The following PACRGL variants were observed in gnomAD, a reference collection of about 807,000 sequenced individuals.
The protein encoded by PACRGL is PACRG-like protein.
A neutral mutation model predicts 34.5 loss-of-function variants in PACRGL; 38 were observed. The observed-to-expected ratio is 1.10, with a 90% CI of 0.85 to 1.44. The LOEUF (loss-of-function observed/expected upper bound fraction) is 1.44, where lower values mean the gene tolerates loss of function less well. Among genes scored for constraint, PACRGL ranks in the 40% most tolerant of loss-of-function variants. The pLI, the probability that PACRGL is intolerant of heterozygous loss-of-function variation, is 0.00. For synonymous variants in PACRGL, 128 were observed against 100.1 expected (o/e 1.28, Z -1.66); for missense variants, 305 against 281.4 (o/e 1.08, Z -0.60).
chr4:20,766,595 G>C, the PACRGL span, among the ~76,000 whole-genome samples: 1 of 151,996 alleles, frequency 6.6e-6, no homozygotes, highest in Admixed American at 6.6e-5. Context: ...CAAACATAAA[G>C]CAACTTTAGA....
chr4:20,706,937 A>G (rs1219831275), intron 3 of PACRGL, among the ~76,000 whole-genome samples: 2 of 152,008 alleles, frequency 1.3e-5, no homozygotes, highest in Non-Finnish European at 2.9e-5. Context: ...TTTACTCAAA[A>G]CTCATGCTTT....
Position 20,730,328 on chromosome 4 carries a change from ATATTTTG to A in PACRGL, c.*2989_*2995del, listed in dbSNP as rs776294499. Among the ~76,000 whole-genome samples the A allele has an allele frequency of 6.7e-4, 102 of 152,288 alleles. No individual in the cohort carries two copies. The highest frequency in any genetic ancestry group is 8.7e-4 in the Non-Finnish European group (59 of 68,014). ...TAGATGACTATGAAGGACCCATTTT[ATATTTTG>A]TGGAGTCTATTGACCAGGCATTAAA... is the stretch of plus-strand genomic sequence containing the variant. On this transcript the variant is annotated 3_prime_UTR_variant, in exon 9 of 9. Transcript: ENST00000503585.
At position 20,725,474 on chromosome 4, in the gene PACRGL, G is replaced by A. The variant is rs144472113; in HGVS notation, c.690+586G>A. On this transcript the variant is annotated intron_variant, in intron 8 of 8. Transcript: ENST00000503585. ...AGGATTTCATAACTGTATGGTGTCA[G>A]ATTACTAGACTAATTGAATTTTTAG... is the stretch of plus-strand genomic sequence containing the variant. 2.4e-3 allele frequency among the ~76,000 whole-genome samples: 367 copies of A among 152,252 alleles called. 8 individuals carry two copies. The South Asian group carries it at 0.046, about 19-fold the overall frequency.
intron 5 of PACRGL, 97 bp downstream of exon 5, chr4:20,709,870 C>T: frequency 1.0e-6 from 1 of 970,420 alleles, no homozygotes; most frequent in Non-Finnish European, 1.6e-6. Context: ...CATTCTATGC[C>T]TTTGAAAAAC....
chr4:20,722,675 C>T, intron 7 of PACRGL, among the ~76,000 whole-genome samples: 1 of 152,134 alleles, frequency 6.6e-6, no homozygotes, highest in East Asian at 1.9e-4. Context: ...AACCAAAGTT[C>T]CCATCATAAA....
intron 8 of PACRGL, among the ~76,000 whole-genome samples, chr4:20,743,183 C>A (rs1327062337): frequency 6.6e-6 from 1 of 152,068 alleles, no homozygotes; most frequent in Non-Finnish European, 1.5e-5. Context: ...GTGAACATGG[C>A]CATACTGCCC....
chr4:20,735,518 G>GTTTTTTT (rs754949562), downstream of PACRGL, among the ~76,000 whole-genome samples: 5 of 130,814 alleles, frequency 3.8e-5, no homozygotes, highest in African/African-American at 1.1e-4. Flanking sequence ...TTCATTTAGT[G>GTTTTTTT]TTTTTTTTTT....
Position 20,732,071 on chromosome 4 carries a change from G to A in PACRGL, c.*4730G>A, listed in dbSNP as rs966552462. On this transcript the variant is annotated 3_prime_UTR_variant, in exon 9 of 9. Transcript: ENST00000503585. ...CCATCTTTATTTTTGTCCATTTTCT[G>A]TTCAGGAAGAAAACAAAAATTGTAT... 2 of 1,581,556 alleles carry A rather than the reference G, an allele frequency of 1.3e-6. No homozygotes were observed. The highest frequency in any genetic ancestry group is 1.7e-5 in the Admixed American group (1 of 57,244).
At chr4:20,716,056 G>C in intron 7 of PACRGL, 2 of 1,483,098 alleles carry the variant, frequency 1.3e-6, no homozygotes, top group South Asian at 1.3e-5. Context: ...TTCAGGAAGA[G>C]ACCTTTTCCT....
downstream of PACRGL, among the ~76,000 whole-genome samples, chr4:20,755,539 G>A (rs376988368): frequency 3.2e-4 from 49 of 152,288 alleles, no homozygotes; most frequent in East Asian, 8.5e-3. Flanking sequence ...AGTAAACAAA[G>A]TGGAGAAATC....
chr4:20,749,827 T>C (rs1292035581), intron 8 of PACRGL: 2 of 721,222 alleles, frequency 2.8e-6, no homozygotes, highest in Non-Finnish European at 4.6e-6. Context: ...TCCAGAAGAA[T>C]TAACTCTGCC....
chr4:20,703,695 C>T (rs1733312241), intron 1 of PACRGL, among the ~76,000 whole-genome samples: 1 of 152,100 alleles, frequency 6.6e-6, no homozygotes, highest in Non-Finnish European at 1.5e-5. Context: ...TCCAGAAAAC[C>T]TTGACAGGCT....
At chr4:20,710,914 G>T (rs1026726553) in intron 5 of PACRGL, among the ~76,000 whole-genome samples, 3 of 152,104 alleles carry the variant, frequency 2.0e-5, no homozygotes, top group Non-Finnish European at 4.4e-5. Context: ...TAGGCTGGGT[G>T]CTGTGGCTCA....
At chr4:20,738,296 T>C (rs1396651865) in intron 8 of PACRGL, among the ~76,000 whole-genome samples, 3 of 152,212 alleles carry the variant, frequency 2.0e-5, no homozygotes, top group Admixed American at 2.0e-4. Flanking sequence ...AGTAATAATA[T>C]GTCATTAATT....
intron 8 of PACRGL, among the ~76,000 whole-genome samples, chr4:20,745,173 C>T (rs1752149942): frequency 2.0e-5 from 3 of 152,090 alleles, no homozygotes; most frequent in Admixed American, 2.0e-4. Flanking sequence ...TAGCCAGCCC[C>T]ATCTCTGGCC....
At chr4:20,734,197 G>A (rs1749043187), downstream of PACRGL, among the ~76,000 whole-genome samples, 1 of 152,158 alleles carries the variant, frequency 6.6e-6, no homozygotes, top group East Asian at 1.9e-4. Context: ...TGGATAGTCT[G>A]CCTCAACGTG....
In PACRGL at chr4:20,731,987, T is replaced by C. The variant is rs1162165687; in HGVS notation, c.*4646T>C. On this transcript the variant is annotated 3_prime_UTR_variant, in exon 9 of 9. Transcript: ENST00000503585. ...GTTATGATAGCTGAATTGATAGTTA[T>C]TACACTTTCATTACTTACTTTTTGG... 1.2e-6 allele frequency: 2 copies of C among 1,612,782 alleles called. No homozygotes were observed. The highest frequency in any genetic ancestry group is 1.7e-5 in the Admixed American group (1 of 59,900).
rs187381558 is a variant in PACRGL, at chr4:20,730,764, T to C, written c.*3423T>C. ...GCTGTGTTCAGTTTAGCATATTCTT[T>C]AGAAATGAGTTAGGGGACAGACTTT... On this transcript the variant is annotated 3_prime_UTR_variant, in exon 9 of 9. Coordinates refer to ENST00000503585, the MANE Select transcript of PACRGL (RefSeq NM_001258345.3). Among the ~76,000 whole-genome samples the C allele has an allele frequency of 2.4e-3, 358 of 152,242 alleles. 2 individuals are homozygous for C. Among genetic ancestry groups the C allele is most frequent in the African/African-American group, 7.6e-3 (315 of 41,550 alleles).
At chr4:20,697,677 T>G (rs1731299925), upstream of PACRGL, among the ~76,000 whole-genome samples, 1 of 152,170 alleles carries the variant, frequency 6.6e-6, no homozygotes, top group Admixed American at 6.5e-5. Context: ...TTGAGTAGCT[T>G]ATAAACAACA....
Sources: gnomAD v4.1 joint callset for allele counts (sites outside exome capture counted in the v4.1 genomes callset) on GRCh38, gnomAD v4.1.1 for gene constraint, MANE v1.5 for transcripts, NCBI Gene and HGNC (gene_info 2026-07-23, HGNC 2026-07-21) for gene names.